Variants in ANGEL2 observed in about 807,000 individuals in gnomAD.
ANGEL2 encodes the protein RNA 2',3'-cyclic phosphatase ANGEL2.
In ANGEL2, 41 loss-of-function variants were observed where a neutral mutation model predicts 66.0. The observed-to-expected ratio is 0.62, with a 90% CI of 0.48 to 0.81. The LOEUF is 0.81. ANGEL2 is among the 30% of genes least tolerant of loss of function. The pLI, the probability that ANGEL2 is intolerant of heterozygous loss-of-function variation, is 0.00. For synonymous variants in ANGEL2, 208 were observed against 226.5 expected (o/e 0.92, Z 0.73); for missense variants, 561 against 641.6 (o/e 0.87, Z 1.36).
intron 4 of ANGEL2, among the ~76,000 whole-genome samples, chr1:213,006,032 T>G (rs141268622): frequency 6.6e-6 from 1 of 152,352 alleles, no homozygotes; most frequent in Non-Finnish European, 1.5e-5. Context: ...TGCTATTTAC[T>G]TATTTATTTG....
intron 2 of ANGEL2, chr1:213,011,431 C>A: frequency 8.9e-7 from 1 of 1,123,054 alleles, no homozygotes; most frequent in Non-Finnish European, 1.1e-6. Context: ...TATGGCTTAA[C>A]GAAGAGCATT....
chr1:213,012,117 G>C (rs1279683110), intron 2 of ANGEL2, among the ~76,000 whole-genome samples: 1 of 152,156 alleles, frequency 6.6e-6, no homozygotes, highest in Non-Finnish European at 1.5e-5. Flanking sequence ...GCTTAGCAAA[G>C]TTGATTGGGA....
At position 213,005,257 on chromosome 1, in the gene ANGEL2, T is replaced by C. The variant is rs1202793271; in HGVS notation, c.910A>G (p.Ile304Val). The C allele has an allele frequency of 1.9e-6, 3 of 1,614,248 alleles. No individual in the cohort carries two copies. The highest frequency in any genetic ancestry group is 1.1e-5 in the South Asian group (1 of 91,086). ...AACAGATGCGTATTTGCTACGCAGA[T>C]TGCAGGGCAGGCAGCATATGGAATT... ...PKIPYAACPAICVANTHLLYN... is the reference protein window; with the variant it reads ...PKIPYAACPAVCVANTHLLYN... Residue 304 changes from isoleucine (I) to valine (V), a missense_variant, in exon 5 of 9, where the codon ATC (isoleucine) becomes GTC (valine). Coordinates refer to ENST00000366962, the MANE Select transcript of ANGEL2 (RefSeq NM_144567.5).
rs1011321068 is a variant in ANGEL2, at chr1:213,000,598, C to G, written c.1261+188G>C. 3.9e-5 allele frequency: 30 copies of G among 762,728 alleles called. No individual in the cohort carries two copies. In the African/African-American group the frequency reaches 4.3e-4, roughly 11 times the overall value. The allele number at this position is 762,728 out of a possible 1,614,324, so 47.2% of individuals were successfully genotyped here. On this transcript the variant is annotated intron_variant, in intron 6 of 8. Transcript: ENST00000366962. ...AAGCAACATGCAAGTAAATCATGCA[C>G]AGATAATTCTGGAAGTTCAACTTTA...
chr1:213,000,817 C>A lies in ANGEL2; in HGVS notation c.1230G>T (p.Glu410Asp), dbSNP rs2076157568. ...TTTCTACTTTTGGTACCTGCTGTAC[C>A]TCATACACACAGTTCTGTGAGATAC... is the stretch of plus-strand genomic sequence containing the variant. ...NLGISQNCVY[E>D]VQQVPKVEKT... The change falls in exon 6 of 9, where the codon GAG becomes GAT. Residue 410 changes from glutamate (E) to aspartate (D), a missense_variant. Physicochemically the swap from Glu to Asp is conservative, Grantham distance 45. Transcript: ENST00000366962. 1 of 1,611,272 alleles carries A rather than the reference C, an allele frequency of 6.2e-7. No homozygotes were observed. Among genetic ancestry groups the A allele is most frequent in the Middle Eastern group, 1.7e-4 (1 of 6,048 alleles).
Position 213,005,458 on chromosome 1 carries a change from C to G in ANGEL2, c.713-4G>C, listed in dbSNP as rs375811529. ...ATCTTATATTCACAGTGATAACCTA[C>G]AAGAAACAAATGAATTTAAAACAAA... On this transcript the variant is annotated splice_region_variant and splice_polypyrimidine_tract_variant and intron_variant, in intron 4 of 8. Transcript: ENST00000366962. 72 of 1,565,162 alleles carry G rather than the reference C, an allele frequency of 4.6e-5. No individual in the cohort carries two copies. The highest frequency in any genetic ancestry group is 4.7e-5 in the Non-Finnish European group (54 of 1,159,354).
At chr1:213,008,521 T>C in intron 2 of ANGEL2, 55 bp from the exon 3 acceptor site, 1 of 1,554,090 alleles carries the variant, frequency 6.4e-7, no homozygotes, top group Admixed American at 1.9e-5. Flanking sequence ...GACCATACAG[T>C]TTCCCACATA....
Position 213,008,422 on chromosome 1 carries a change from C to G in ANGEL2, c.430G>C (p.Glu144Gln). The change falls in exon 3 of 9, where the codon GAA (glutamate) becomes CAA (glutamine). Residue 144 changes from glutamate to glutamine, a missense_variant. Coordinates refer to ENST00000366962, the MANE Select transcript of ANGEL2 (RefSeq NM_144567.5). ...TTGTCTCCTAGGATCTTCGTTTTTT[C>G]TTTATCATGGCTACATATATATTCC... ...NWEYICSHDKEKTKILGDKNV... is the reference protein window; with the variant it reads ...NWEYICSHDKQKTKILGDKNV... The G allele has an allele frequency of 6.2e-7, 1 of 1,613,962 alleles. No individual in the cohort carries two copies. Among genetic ancestry groups the G allele is most frequent in the Non-Finnish European group, 8.5e-7 (1 of 1,179,940 alleles).
chr1:213,007,462 C>T (rs1384424824), intron 3 of ANGEL2, among the ~76,000 whole-genome samples: 1 of 152,154 alleles, frequency 6.6e-6, no homozygotes, highest in Non-Finnish European at 1.5e-5. Flanking sequence ...ATATTCTTAG[C>T]TTACATGTCA....
chr1:213,005,061 AATTTTCCTTCCTTT>A lies in ANGEL2; in HGVS notation c.1092_1105del (p.Lys365GlufsTer3), dbSNP rs767439809. The A allele has an allele frequency of 3.2e-6, 5 of 1,578,130 alleles. No homozygotes were observed. Among genetic ancestry groups the A allele is most frequent in the Non-Finnish European group, 4.3e-6 (5 of 1,165,980 alleles). ...TCCTATGGGAAGTCCTTCATAATTC[AATTTTCCTTCCTTT>A]ATGAAACTATATAGTGGAGAACCAG... On this transcript the variant is annotated frameshift_variant, in exon 5 of 9. Coordinates refer to ENST00000366962, the MANE Select transcript of ANGEL2 (RefSeq NM_144567.5). LOFTEE classifies it high-confidence loss of function.
At chr1:212,995,907 T>A (rs570055021) in intron 8 of ANGEL2, among the ~76,000 whole-genome samples, 1 of 152,296 alleles carries the variant, frequency 6.6e-6, no homozygotes, top group East Asian at 1.9e-4. Flanking sequence ...CAGAAAAGAA[T>A]AAAACAGCTG....
Position 213,015,752 on chromosome 1 carries a change from C to G in ANGEL2, c.-81G>C. On this transcript the variant is annotated 5_prime_UTR_variant, in exon 1 of 9. Coordinates refer to ENST00000366962, the MANE Select transcript of ANGEL2 (RefSeq NM_144567.5). Reference sequence around the variant, plus strand: ...TAATCGATGCGACGGCCTAAAGTATCTAGGGAACCCCATCACTCTTAAGTA... The same window carrying G: ...TAATCGATGCGACGGCCTAAAGTATGTAGGGAACCCCATCACTCTTAAGTA... 1.3e-6 allele frequency: 2 copies of G among 1,591,388 alleles called. No homozygotes were observed. Among genetic ancestry groups the G allele is most frequent in the Non-Finnish European group, 1.7e-6 (2 of 1,161,222 alleles).
intron 1 of ANGEL2, chr1:213,015,359 T>C: frequency 7.1e-7 from 1 of 1,405,046 alleles, no homozygotes; most frequent in Non-Finnish European, 9.2e-7. Flanking sequence ...GGCACAAGCC[T>C]GGCCGGCGGC....
chr1:213,012,189 A>G (rs2076526274), intron 2 of ANGEL2, among the ~76,000 whole-genome samples: 1 of 152,206 alleles, frequency 6.6e-6, no homozygotes, highest in African/African-American at 2.4e-5. Flanking sequence ...GAAGAGCACT[A>G]ATTCTAGCTT....
rs758349048 is a variant in ANGEL2 at position 213,013,169 on chromosome 1, T to C, written c.309A>G (p.Thr103=). Residue 103 remains threonine, a synonymous_variant, in exon 2 of 9, where the codon ACA becomes ACG. Coordinates refer to ENST00000366962, the MANE Select transcript of ANGEL2 (RefSeq NM_144567.5). ...CNWRPDNLSQ[T]SLIHLSSYVM... The stretch of plus-strand genomic sequence containing the variant: ...CGTAACTAGAGAGATGAATCAAAGA[T>C]GTCTGGCTCAGGTTGTCAGGTCTCC... 4 of 1,614,184 alleles carry C rather than the reference T, an allele frequency of 2.5e-6. No homozygotes were observed. In the South Asian group the frequency reaches 4.4e-5, roughly 18 times the overall value.
At chr1:213,000,981 G>A (rs2076163187) in intron 5 of ANGEL2, 69 bp from the exon 6 acceptor site, 1 of 1,469,676 alleles carries the variant, frequency 6.8e-7, no homozygotes, top group Admixed American at 2.3e-5. Context: ...AAAAATTTAT[G>A]TCTTAAATAA....
rs535606228 is a variant in ANGEL2, at chr1:212,996,250, T to C, written c.1483+905A>G. Among the ~76,000 whole-genome samples, 5 of 152,162 alleles carry C rather than the reference T, an allele frequency of 3.3e-5. 2 individuals are homozygous for C. The highest frequency in any genetic ancestry group is 9.6e-5 in the African/African-American group (4 of 41,514). ...TGAACCTGGGAGGCGGAGCTTGCAGTGAGCTGAGATAGCGCCACTGCACTC... is the reference window on the plus strand; with the variant it reads ...TGAACCTGGGAGGCGGAGCTTGCAGCGAGCTGAGATAGCGCCACTGCACTC... On this transcript the variant is annotated intron_variant, in intron 8 of 8. Coordinates refer to ENST00000366962, the MANE Select transcript of ANGEL2 (RefSeq NM_144567.5).
intron 7 of ANGEL2, among the ~76,000 whole-genome samples, chr1:212,999,395 A>C (rs980583100): frequency 3.3e-5 from 5 of 152,230 alleles, no homozygotes; most frequent in Non-Finnish European, 7.3e-5. Context: ...TAGCCTCCTT[A>C]TTAATCTTAT....
chr1:213,000,180 C>T (rs1224536529), intron 7 of ANGEL2, 146 bp downstream of exon 7: 3 of 667,350 alleles, frequency 4.5e-6, no homozygotes, highest in Non-Finnish European at 7.8e-6. Context: ...AGGACTGGAA[C>T]TCAGGCCTAT....
Sources: gnomAD v4.1 joint callset for allele counts (sites outside exome capture counted in the v4.1 genomes callset) on GRCh38, gnomAD v4.1.1 for gene constraint, MANE v1.5 for transcripts, NCBI Gene and HGNC (gene_info 2026-07-23, HGNC 2026-07-21) for gene names.